CDKL4: variants seen among roughly 807,000 people sequenced by gnomAD.
CDKL4 encodes the protein cyclin-dependent kinase-like 4.
CDKL4 carries 44 observed loss-of-function variants against 42.0 expected under a neutral mutation model. The observed-to-expected ratio is 1.05, with a 90% CI of 0.82 to 1.35. The LOEUF (loss-of-function observed/expected upper bound fraction) is 1.35, where lower values mean the gene tolerates loss of function less well. Ranked by LOEUF, CDKL4 falls within the 40% of genes most tolerant of loss-of-function variation. The pLI is 0.00. For missense variants in CDKL4, 393 were observed against 369.9 expected (o/e 1.06, Z -0.51); for synonymous variants, 120 against 121.6 (o/e 0.99, Z 0.09).
intron 1 of CDKL4, among the ~76,000 whole-genome samples, chr2:39,230,737 C>A (rs1679047217): frequency 6.6e-6 from 1 of 152,108 alleles, no homozygotes; most frequent in African/African-American, 2.4e-5. Context: ...TAACATTGTT[C>A]TATACAAATT....
chr2:39,232,771 C>T (rs1679145693), intron 1 of CDKL4, among the ~76,000 whole-genome samples: 1 of 151,894 alleles, frequency 6.6e-6, no homozygotes. Flanking sequence ...CCTAGCTGGG[C>T]GTGGTGGCTC....
intron 2 of CDKL4, among the ~76,000 whole-genome samples, chr2:39,228,991 G>A (rs1678927701): frequency 6.6e-6 from 1 of 152,172 alleles, no homozygotes. Flanking sequence ...GGGCATTGGT[G>A]CGGTCCTGTG....
rs1224051438 is a variant in CDKL4 at position 39,225,727 on chromosome 2, A to T, written c.290+112T>A. On this transcript the variant is annotated intron_variant, in intron 3 of 9. Transcript: ENST00000451199. Reference sequence around the variant, plus strand: ...GAGACTGGATGGGGTAGCCAGATGCATTGTGGTAGAAAGGGGAATTGTGGC... The same window carrying T: ...GAGACTGGATGGGGTAGCCAGATGCTTTGTGGTAGAAAGGGGAATTGTGGC... 2.9e-5 allele frequency: 30 copies of T among 1,048,338 alleles called. No individual in the cohort carries two copies. The South Asian group carries it at 4.0e-4, about 14-fold the overall frequency. 64.9% of individuals were successfully genotyped at this position (1,048,338 alleles called of 1,614,324 possible).
chr2:39,178,022 A>T (rs1411023422), intron 9 of CDKL4, among the ~76,000 whole-genome samples: 1 of 152,194 alleles, frequency 6.6e-6, no homozygotes, highest in African/African-American at 2.4e-5. Flanking sequence ...CCTTTTACAC[A>T]CAATTCACAC....
intron 8 of CDKL4, among the ~76,000 whole-genome samples, chr2:39,180,382 G>A (rs7569943): frequency 0.026 from 3,988 of 152,276 alleles, 62 homozygotes; most frequent in African/African-American, 0.034. Flanking sequence ...TGCCCCAGCC[G>A]GGCACTGCCC....
chr2:39,238,491 GCTTT>G (rs1224022725), intron 1 of CDKL4, among the ~76,000 whole-genome samples: 2 of 151,998 alleles, frequency 1.3e-5, no homozygotes, highest in African/African-American at 4.8e-5. Context: ...ATTCCAACAG[GCTTT>G]ATTTGGACAG....
At chr2:39,188,432 C>T (rs990249217) in intron 6 of CDKL4, among the ~76,000 whole-genome samples, 8 of 151,346 alleles carry the variant, frequency 5.3e-5, no homozygotes, top group Non-Finnish European at 8.8e-5. Flanking sequence ...TGTGGTGGTG[C>T]GCACCTATAG....
intron 3 of CDKL4, among the ~76,000 whole-genome samples, chr2:39,224,301 T>C (rs1678558446): frequency 6.6e-6 from 1 of 152,178 alleles, no homozygotes; most frequent in South Asian, 2.1e-4. Context: ...GATTAGAATT[T>C]TGTTTAATAA....
intron 9 of CDKL4, chr2:39,178,970 GGT>G (rs1675285015): frequency 6.9e-7 from 1 of 1,439,490 alleles, no homozygotes; most frequent in Non-Finnish European, 9.1e-7. Flanking sequence ...ATTTGATTCA[GGT>G]GTGTTTGGAA....
intron 7 of CDKL4, among the ~76,000 whole-genome samples, chr2:39,186,612 A>T (rs1320889475): frequency 6.6e-6 from 1 of 152,200 alleles, no homozygotes; most frequent in Non-Finnish European, 1.5e-5. Context: ...TAGAGAGATG[A>T]TCCCTGTGAT....
chr2:39,241,067 G>A (rs574893860), intron 1 of CDKL4, among the ~76,000 whole-genome samples: 1 of 152,270 alleles, frequency 6.6e-6, no homozygotes, highest in South Asian at 2.1e-4. Flanking sequence ...TGACCATAAA[G>A]GATACTTCTA....
chr2:39,241,911 T>C (rs1558591771), intron 1 of CDKL4, among the ~76,000 whole-genome samples: 1 of 152,258 alleles, frequency 6.6e-6, no homozygotes. Context: ...TGACTTACTT[T>C]TTAAAGCAAA....
intron 9 of CDKL4, among the ~76,000 whole-genome samples, chr2:39,177,455 A>G (rs560091546): frequency 2.8e-5 from 4 of 143,390 alleles, no homozygotes; most frequent in South Asian, 2.2e-4. Context: ...CCCAGGCTGG[A>G]GTGCAGTGGC....
chr2:39,239,827 C>T (rs1250885144), intron 1 of CDKL4, among the ~76,000 whole-genome samples: 10 of 152,228 alleles, frequency 6.6e-5, no homozygotes, highest in African/African-American at 2.2e-4. Context: ...TGGTGGCTCA[C>T]GCCTGTAATC....
rs1438474255 is a variant in CDKL4, at chr2:39,187,704, AT to A, written c.657del (p.Lys219AsnfsTer2). On this transcript the variant is annotated frameshift_variant, in exon 7 of 10. Transcript: ENST00000451199. LOFTEE classifies it high-confidence loss of function. ...AAGATTGATTGATGTCTTGGGATTA[AT>A]TTTCCTGTAAAATACAAACCACATA... The A allele has an allele frequency of 1.9e-6, 3 of 1,607,212 alleles. No individual in the cohort carries two copies. The highest frequency in any genetic ancestry group is 2.7e-5 in the African/African-American group (2 of 74,778).
rs188196806 is a variant in CDKL4 at position 39,189,489 on chromosome 2, T to C, written c.652+816A>G. 2.3e-4 allele frequency among the ~76,000 whole-genome samples: 35 copies of C among 152,328 alleles called. 1 individual carries two copies. The highest frequency in any genetic ancestry group is 8.4e-4 in the African/African-American group (35 of 41,572). On this transcript the variant is annotated intron_variant, in intron 6 of 9. Transcript: ENST00000451199. ...AAAAGATGATGCGTATGAAAGTAAT[T>C]TGTAAATTCTTAAGTACTATACAAA...
chr2:39,168,349 A>C, the CDKL4 span, among the ~76,000 whole-genome samples: 6 of 152,240 alleles, frequency 3.9e-5, no homozygotes, highest in African/African-American at 1.4e-4. Flanking sequence ...AACAGAAAGA[A>C]AAATTTTAAC....
chr2:39,188,851 A>G (rs1049421409), intron 6 of CDKL4, among the ~76,000 whole-genome samples: 1 of 152,200 alleles, frequency 6.6e-6, no homozygotes, highest in African/African-American at 2.4e-5. Context: ...CATCATGTCC[A>G]GCTAATTTTT....
At chr2:39,216,829 A>G (rs1677948764) in intron 3 of CDKL4, among the ~76,000 whole-genome samples, 1 of 152,208 alleles carries the variant, frequency 6.6e-6, no homozygotes, top group Non-Finnish European at 1.5e-5. Flanking sequence ...CAGGGAATGG[A>G]GAATGAAGTA....
Sources: gnomAD v4.1 joint callset for allele counts (sites outside exome capture counted in the v4.1 genomes callset) on GRCh38, gnomAD v4.1.1 for gene constraint, MANE v1.5 for transcripts, NCBI Gene and HGNC (gene_info 2026-07-23, HGNC 2026-07-21) for gene names.